SGCZ: variants seen among roughly 807,000 people sequenced by gnomAD.
SGCZ encodes sarcoglycan zeta.
Under a neutral mutation model 41.3 loss-of-function variants are expected in SGCZ, and 40 were observed. That is an observed-to-expected ratio of 0.97 (90% CI 0.75 to 1.26). The LOEUF is 1.26. Ranked by LOEUF, SGCZ falls within the 50% of genes most tolerant of loss-of-function variation. The pLI, the probability that SGCZ is intolerant of heterozygous loss-of-function variation, is 0.00. For synonymous variants in SGCZ, 206 were observed against 137.5 expected, an observed-to-expected ratio of 1.50 and a Z score of -3.49; for missense variants, 552 against 369.8, an observed-to-expected ratio of 1.49 and a Z score of -4.04.
chr8:14,401,255 T>A (rs1023501765), intron 2 of SGCZ, among the ~76,000 whole-genome samples: 11 of 151,728 alleles, frequency 7.2e-5, no homozygotes, highest in African/African-American at 2.7e-4. Context: ...CAAATATACA[T>A]ACATATATAT....
At chr8:14,885,162 T>C (rs1047450957) in intron 1 of SGCZ, among the ~76,000 whole-genome samples, 1 of 152,216 alleles carries the variant, frequency 6.6e-6, no homozygotes, top group Non-Finnish European at 1.5e-5. Context: ...TTGTATCACA[T>C]ACGAATCTCT....
chr8:14,927,311 G>A (rs1489266856), intron 1 of SGCZ, among the ~76,000 whole-genome samples: 1 of 151,146 alleles, frequency 6.6e-6, no homozygotes, highest in Non-Finnish European at 1.5e-5. Context: ...GGGTTTCACA[G>A]TGTTAGCCAG....
At chr8:15,078,652 C>T (rs1393025770) in intron 1 of SGCZ, among the ~76,000 whole-genome samples, 1 of 151,914 alleles carries the variant, frequency 6.6e-6, no homozygotes, top group Non-Finnish European at 1.5e-5. Flanking sequence ...AATGTTTGCT[C>T]TTAGCTCTAT....
intron 4 of SGCZ, among the ~76,000 whole-genome samples, chr8:14,212,164 A>G (rs1380123935): frequency 6.6e-6 from 1 of 152,044 alleles, no homozygotes; most frequent in African/African-American, 2.4e-5. Context: ...GCAATCCAGA[A>G]CTAGCATTCC....
At chr8:14,547,674 G>A (rs1334598820) in intron 2 of SGCZ, among the ~76,000 whole-genome samples, 1 of 152,092 alleles carries the variant, frequency 6.6e-6, no homozygotes, top group Non-Finnish European at 1.5e-5. Flanking sequence ...ATCTCCATGA[G>A]ATCAACATCA....
intron 2 of SGCZ, among the ~76,000 whole-genome samples, chr8:14,366,277 A>C (rs1803704853): frequency 6.6e-6 from 1 of 152,206 alleles, no homozygotes; most frequent in Admixed American, 6.6e-5. Context: ...ACTTACAATC[A>C]GAGCAGAAGG....
At chr8:14,631,641 A>G (rs1308132394) in intron 1 of SGCZ, among the ~76,000 whole-genome samples, 2 of 152,128 alleles carry the variant, frequency 1.3e-5, no homozygotes, top group Non-Finnish European at 2.9e-5. Context: ...TCCTTGCTGG[A>G]GATACTATTA....
intron 1 of SGCZ, among the ~76,000 whole-genome samples, chr8:15,213,606 A>G (rs1010756460): frequency 3.3e-5 from 5 of 151,696 alleles, no homozygotes; most frequent in African/African-American, 1.2e-4. Flanking sequence ...AAGATATCTA[A>G]AGTGCCACAT....
At chr8:14,232,973 G>T (rs556911974) in intron 4 of SGCZ, among the ~76,000 whole-genome samples, 1 of 151,998 alleles carries the variant, frequency 6.6e-6, no homozygotes, top group Non-Finnish European at 1.5e-5. Context: ...ATAGATGTGG[G>T]ATTGTGGAAC....
At chr8:15,198,510 G>A (rs1237587851) in intron 1 of SGCZ, among the ~76,000 whole-genome samples, 2 of 152,040 alleles carry the variant, frequency 1.3e-5, no homozygotes, top group East Asian at 1.9e-4. Context: ...ATCAATCTGG[G>A]ATAATTCATG....
intron 1 of SGCZ, among the ~76,000 whole-genome samples, chr8:14,616,583 A>G (rs1010273866): frequency 2.6e-5 from 4 of 152,144 alleles, no homozygotes; most frequent in South Asian, 2.1e-4. Context: ...ATCCCTGTCC[A>G]GGTGTTCTCC....
Position 14,558,574 on chromosome 8 carries a change from TAG to T in SGCZ, c.40-3650_40-3649del, listed in dbSNP as rs146179658. On this transcript the variant is annotated intron_variant, in intron 1 of 7. Coordinates refer to ENST00000382080, the MANE Select transcript of SGCZ (RefSeq NM_139167.4). ...TGGGTGACAGAATGAGAATGACTCT[TAG>T]AGAGAGAGAGAGAGAGAGAGAGAGA... Among the ~76,000 whole-genome samples, 706 of 99,780 alleles carry T rather than the reference TAG, an allele frequency of 7.1e-3. 9 individuals carry two copies. Among genetic ancestry groups the T allele is most frequent in the Admixed American group, 0.031 (300 of 9,548 alleles). 65.5% of individuals were successfully genotyped at this position (99,780 alleles called of 152,430 possible).
chr8:14,182,633 A>G (rs1804766956), intron 4 of SGCZ, among the ~76,000 whole-genome samples: 1 of 152,216 alleles, frequency 6.6e-6, no homozygotes, highest in Admixed American at 6.5e-5. Flanking sequence ...TAAAGACAAG[A>G]AAAGGAATTA....
intron 1 of SGCZ, among the ~76,000 whole-genome samples, chr8:14,666,475 T>A (rs1420909957): frequency 1.3e-5 from 2 of 152,176 alleles, no homozygotes; most frequent in South Asian, 4.1e-4. Context: ...GAATCTTTTG[T>A]CTGCTTAACA....
In SGCZ at chr8:15,237,641, A is replaced by C. The variant is rs924956313; in HGVS notation, c.-18T>G. On this transcript the variant is annotated 5_prime_UTR_variant, in exon 1 of 8. Coordinates refer to ENST00000382080, the MANE Select transcript of SGCZ (RefSeq NM_139167.4). Reference sequence around the variant, plus strand: ...CTGTCCATGGAGCGCAACTAAACGAAGTGGAGAGGAACCGGGCGAGTGGCA... The same window carrying C: ...CTGTCCATGGAGCGCAACTAAACGACGTGGAGAGGAACCGGGCGAGTGGCA... 1 of 1,579,116 alleles carries C rather than the reference A, an allele frequency of 6.3e-7. No individual in the cohort carries two copies. Among genetic ancestry groups the C allele is most frequent in the Non-Finnish European group, 8.6e-7 (1 of 1,160,382 alleles).
intron 2 of SGCZ, among the ~76,000 whole-genome samples, chr8:14,352,629 A>G (rs1009048928): frequency 2.4e-4 from 36 of 152,092 alleles, no homozygotes; most frequent in Non-Finnish European, 5.1e-4. Flanking sequence ...TGGCTTGGGT[A>G]ACAAGCCCGT....
At chr8:14,173,510 C>T (rs1563166646) in intron 4 of SGCZ, among the ~76,000 whole-genome samples, 2 of 152,114 alleles carry the variant, frequency 1.3e-5, no homozygotes, top group African/African-American at 2.4e-5. Flanking sequence ...ATTATAATTC[C>T]TTCTGAAGAA....
chr8:14,924,905 T>TGC (rs1799700604), intron 1 of SGCZ, among the ~76,000 whole-genome samples: 1 of 148,570 alleles, frequency 6.7e-6, no homozygotes, highest in Non-Finnish European at 1.5e-5. Context: ...TCACCCAGGC[T>TGC]GGAGTGCAAT....
intron 2 of SGCZ, among the ~76,000 whole-genome samples, chr8:14,447,889 T>C (rs1800478584): frequency 6.6e-6 from 1 of 152,190 alleles, no homozygotes. Flanking sequence ...AATCACATTA[T>C]GAAATGCAAA....
Sources: gnomAD v4.1 joint callset for allele counts (sites outside exome capture counted in the v4.1 genomes callset) on GRCh38, gnomAD v4.1.1 for gene constraint, MANE v1.5 for transcripts, NCBI Gene and HGNC (gene_info 2026-07-23, HGNC 2026-07-21) for gene names.